Variants in CDH22 observed in about 807,000 individuals in gnomAD.
CDH22 encodes cadherin-22.
In CDH22, 30 loss-of-function variants were observed where a neutral mutation model predicts 58.4. The ratio of observed to expected loss-of-function variants is 0.51; its 90% confidence interval spans 0.38 to 0.70. The LOEUF (loss-of-function observed/expected upper bound fraction) is 0.70. CDH22 is among the 30% of genes least tolerant of loss of function. The pLI is 0.00. For synonymous variants in CDH22, 513 were observed against 558.2 expected (o/e 0.92, Z 1.14); for missense variants, 1,014 against 1,233.9 (o/e 0.82, Z 2.67).
At chr20:46,247,220 TG>T (rs1479281266) in intron 2 of CDH22, among the ~76,000 whole-genome samples, 1 of 152,208 alleles carries the variant, frequency 6.6e-6, no homozygotes, top group East Asian at 1.9e-4. Flanking sequence ...ACTGAGCACG[TG>T]CCAGGACCCA....
intron 1 of CDH22, among the ~76,000 whole-genome samples, chr20:46,267,721 C>T (rs537714911): frequency 6.6e-6 from 1 of 152,368 alleles, no homozygotes; most frequent in South Asian, 2.1e-4. Flanking sequence ...CTTCCTGCAC[C>T]TCAGTCTTTC....
chr20:46,256,453 G>A (rs2086406993), intron 1 of CDH22, among the ~76,000 whole-genome samples: 1 of 152,214 alleles, frequency 6.6e-6, no homozygotes, highest in Non-Finnish European at 1.5e-5. Flanking sequence ...GCTGGGAGAA[G>A]AGGGTTTCAA....
intron 3 of CDH22, among the ~76,000 whole-genome samples, chr20:46,228,579 G>C (rs547396601): frequency 1.3e-5 from 2 of 151,598 alleles, no homozygotes; most frequent in African/African-American, 4.8e-5. Context: ...GTGGGGGAGG[G>C]TCAGGTGGAG....
intron 1 of CDH22, among the ~76,000 whole-genome samples, chr20:46,294,578 G>A (rs530668832): frequency 2.6e-5 from 4 of 152,266 alleles, no homozygotes; most frequent in South Asian, 4.1e-4. Flanking sequence ...TGACAACCCC[G>A]GGAAATGGCT....
chr20:46,199,652 G>T (rs1388072513), intron 7 of CDH22, 93 bp from the exon 8 acceptor site: 3 of 1,453,600 alleles, frequency 2.1e-6, no homozygotes, highest in Non-Finnish European at 2.8e-6. Context: ...GAGAGGGACC[G>T]CCTGCCTTGG....
intron 1 of CDH22, among the ~76,000 whole-genome samples, chr20:46,253,913 C>T (rs2086393668): frequency 6.6e-6 from 1 of 152,150 alleles, no homozygotes; most frequent in African/African-American, 2.4e-5. Context: ...TGCCAGTGTT[C>T]ACGGGCACCA....
intron 1 of CDH22, among the ~76,000 whole-genome samples, chr20:46,307,625 C>T (rs1438759780): frequency 6.6e-6 from 1 of 152,026 alleles, no homozygotes. Flanking sequence ...CGGCAGGGGT[C>T]CCTGTGGGCC....
Position 46,228,708 on chromosome 20 carries a change from C to G in CDH22, c.551-1081G>C, listed in dbSNP as rs1407577462. Among the ~76,000 whole-genome samples the G allele has an allele frequency of 2.6e-5, 4 of 152,182 alleles. No individual in the cohort carries two copies. The East Asian group carries it at 7.8e-4, about 30-fold the overall frequency. On this transcript the variant is annotated intron_variant, in intron 3 of 11. Transcript: ENST00000537909. The stretch of plus-strand genomic sequence containing the variant: ...GACCCAAAGGGAAGGAGATGGAGAC[C>G]CCACCTCAGAGAGATGCCCTCTGCT...
chr20:46,273,776 A>C (rs1169909470), intron 1 of CDH22, among the ~76,000 whole-genome samples: 1 of 152,232 alleles, frequency 6.6e-6, no homozygotes, highest in Non-Finnish European at 1.5e-5. Context: ...AAGGACTCAC[A>C]GGAAGTGGAC....
chr20:46,284,377 A>C (rs184733136), intron 1 of CDH22, among the ~76,000 whole-genome samples: 1 of 152,320 alleles, frequency 6.6e-6, no homozygotes, highest in East Asian at 1.9e-4. Flanking sequence ...CAACATCTGG[A>C]AAGAATGATG....
chr20:46,192,117 TTAAC>T (rs2085865421), intron 8 of CDH22, among the ~76,000 whole-genome samples: 1 of 152,214 alleles, frequency 6.6e-6, no homozygotes, highest in Non-Finnish European at 1.5e-5. Flanking sequence ...CTGTTTTTAT[TTAAC>T]TTTCTCATCC....
chr20:46,242,696 G>A (rs1363390128), intron 2 of CDH22, among the ~76,000 whole-genome samples: 1 of 152,110 alleles, frequency 6.6e-6, no homozygotes, highest in African/African-American at 2.4e-5. Flanking sequence ...GGAGAGGAGA[G>A]GGACTATTTA....
chr20:46,182,355 G>A (rs973913677), intron 10 of CDH22, among the ~76,000 whole-genome samples: 1 of 152,210 alleles, frequency 6.6e-6, no homozygotes, highest in African/African-American at 2.4e-5. Context: ...TGCAGGAGTC[G>A]ATGTGGAAGA....
chr20:46,249,173 G>A (rs915675528), intron 2 of CDH22, among the ~76,000 whole-genome samples: 3 of 152,200 alleles, frequency 2.0e-5, no homozygotes, highest in African/African-American at 7.2e-5. Flanking sequence ...ACTCAGTGAA[G>A]GGATTGGCAG....
chr20:46,183,437 T>C (rs951627978), intron 10 of CDH22, among the ~76,000 whole-genome samples: 4 of 152,176 alleles, frequency 2.6e-5, no homozygotes, highest in Non-Finnish European at 5.9e-5. Flanking sequence ...TTTTTAATTA[T>C]TGATTGACTG....
chr20:46,252,119 C>G (rs1457985860), intron 1 of CDH22, among the ~76,000 whole-genome samples: 1 of 152,042 alleles, frequency 6.6e-6, no homozygotes, highest in Non-Finnish European at 1.5e-5. Flanking sequence ...ACCCAGGCCT[C>G]CTTGGTGCAC....
At chr20:46,271,097 A>T (rs1278047046) in intron 1 of CDH22, among the ~76,000 whole-genome samples, 2 of 152,224 alleles carry the variant, frequency 1.3e-5, no homozygotes, top group African/African-American at 4.8e-5. Flanking sequence ...GAAGATAATG[A>T]ATAGCAGCTG....
At chr20:46,206,112 C>CGTGTGAGTGGG (rs2086000442) in intron 7 of CDH22, among the ~76,000 whole-genome samples, 1 of 152,230 alleles carries the variant, frequency 6.6e-6, no homozygotes, top group Non-Finnish European at 1.5e-5. Context: ...CCCACTGGCC[C>CGTGTGAGTGGG]ATGTCTGAGG....
intron 3 of CDH22, among the ~76,000 whole-genome samples, chr20:46,238,950 T>C (rs2086272275): frequency 6.6e-6 from 1 of 152,280 alleles, no homozygotes; most frequent in Non-Finnish European, 1.5e-5. Flanking sequence ...GGCTATGGTC[T>C]ACATGGCTGC....
Sources: gnomAD v4.1 joint callset for allele counts (sites outside exome capture counted in the v4.1 genomes callset) on GRCh38, gnomAD v4.1.1 for gene constraint, MANE v1.5 for transcripts, NCBI Gene and HGNC (gene_info 2026-07-23, HGNC 2026-07-21) for gene names.